Variants in NYX observed in about 807,000 individuals in gnomAD.
NYX encodes the protein nyctalopin, also known as leucine-rich repeat protein.
For synonymous variants in NYX, 258 were observed against 245.7 expected, an observed-to-expected ratio of 1.05 and a Z score of -0.47; for missense variants, 481 against 485.4, an observed-to-expected ratio of 0.99 and a Z score of 0.09.
At chrX:41,452,421 A>T (rs1398123856) in intron 2 of NYX, among the ~76,000 whole-genome samples, 1 of 111,795 alleles carries the variant, frequency 8.9e-6, no homozygotes, top group African/African-American at 3.2e-5. Context: ...GAGTGGCTGT[A>T]CCAGAAGCAG....
chrX:41,453,468 T>C (rs1420083612), intron 2 of NYX, among the ~76,000 whole-genome samples: 1 of 109,963 alleles, frequency 9.1e-6, no homozygotes, highest in Non-Finnish European at 1.9e-5. Flanking sequence ...TCTTTTTTTT[T>C]TTTTTGAGAT....
chrX:41,463,371 T>A (rs4827278), intron 2 of NYX, among the ~76,000 whole-genome samples: 2 of 108,927 alleles, frequency 1.8e-5, no homozygotes, highest in African/African-American at 6.6e-5. Context: ...GTTATTTTTG[T>A]TTTAAATAGT....
At chrX:41,455,628 C>T (rs1450088407) in intron 2 of NYX, among the ~76,000 whole-genome samples, 1 of 110,479 alleles carries the variant, frequency 9.1e-6, no homozygotes, top group Non-Finnish European at 1.9e-5. Context: ...TATTTCTCAT[C>T]TTCCCCTCCC....
intron 2 of NYX, among the ~76,000 whole-genome samples, chrX:41,462,759 T>C (rs997885713): frequency 9.8e-5 from 11 of 112,178 alleles, no homozygotes; most frequent in African/African-American, 3.6e-4. Flanking sequence ...TATCTTTTTT[T>C]GGTGAAATGT....
In NYX at chrX:41,474,469, G is replaced by A; in HGVS notation, c.1001G>A (p.Cys334Tyr). The change falls in exon 3 of 3, where the codon TGC (cysteine) becomes TAC (tyrosine). Residue 334 changes from cysteine (C) to tyrosine (Y), a missense_variant. Physicochemically the swap from Cys to Tyr is radical, Grantham distance 194. Coordinates refer to ENST00000378220, the MANE Select transcript of NYX (RefSeq NM_001378477.3). ...GRLFLFRNPW[C>Y]CDCRLEWLRD... ...CTCTTCCTCTTCCGCAACCCGTGGT[G>A]CTGCGACTGCCGTCTGGAGTGGCTG... is the stretch of plus-strand genomic sequence containing the variant. 1 of 1,209,148 alleles carries A rather than the reference G, an allele frequency of 8.3e-7. No individual in the cohort carries two copies. Among genetic ancestry groups the A allele is most frequent in the Non-Finnish European group, 1.1e-6 (1 of 895,405 alleles).
At chrX:41,462,814 T>C (rs1478946098) in intron 2 of NYX, among the ~76,000 whole-genome samples, 2 of 111,827 alleles carry the variant, frequency 1.8e-5, no homozygotes, top group African/African-American at 6.5e-5. Flanking sequence ...TATTTTCTTA[T>C]TGAGTTTTGG....
intron 2 of NYX, among the ~76,000 whole-genome samples, chrX:41,450,828 ATTTTTTTTTTTTTT>A (rs745395959): frequency 1.5e-5 from 1 of 68,216 alleles, no homozygotes; most frequent in African/African-American, 6.0e-5. Flanking sequence ...ATATATATAT[ATTTTTTTTTTTTTT>A]TTTTTTTTTT....
At chrX:41,452,303 A>C (rs778425171) in intron 2 of NYX, among the ~76,000 whole-genome samples, 1 of 111,530 alleles carries the variant, frequency 9.0e-6, no homozygotes, top group East Asian at 2.8e-4. Flanking sequence ...GCATGTGTAC[A>C]TTTATTATAC....
At chrX:41,473,087 T>C (rs2064368354) in intron 2 of NYX, among the ~76,000 whole-genome samples, 1 of 112,087 alleles carries the variant, frequency 8.9e-6, no homozygotes, top group Non-Finnish European at 1.9e-5. Context: ...CGTGAGCCAC[T>C]GCGACCGGTC....
chrX:41,451,257 T>C (rs2064279097), intron 2 of NYX, among the ~76,000 whole-genome samples: 1 of 111,958 alleles, frequency 8.9e-6, no homozygotes, highest in African/African-American at 3.2e-5. Context: ...AACTGTTTCT[T>C]AGAAAGTGAA....
Position 41,473,985 on chromosome X carries a change from C to T in NYX, c.517C>T (p.Leu173=). ...CCTGTTCCGCCGCGTGCCGGGCGCGCTGCGCGGCCTGGCCAACCTGACGCA... is the reference window on the plus strand; with the variant it reads ...CCTGTTCCGCCGCGTGCCGGGCGCGTTGCGCGGCCTGGCCAACCTGACGCA... ...DNLFRRVPGA[L]RGLANLTHAH... The change falls in exon 3 of 3, where the codon CTG becomes TTG. Residue 173 remains leucine, a synonymous_variant. Coordinates refer to ENST00000378220, the MANE Select transcript of NYX (RefSeq NM_001378477.3). 9.3e-7 allele frequency: 1 copy of T among 1,070,171 alleles called. No individual in the cohort carries two copies. The allele number at this position is 1,070,171 out of a possible 1,213,427, so 88.2% of individuals were successfully genotyped here.
chrX:41,458,033 C>T (rs1347458970), intron 2 of NYX, among the ~76,000 whole-genome samples: 2 of 111,680 alleles, frequency 1.8e-5, no homozygotes, highest in Non-Finnish European at 3.8e-5. Flanking sequence ...CCTGCGGCGC[C>T]ATCCCATGGT....
At chrX:41,470,134 C>A (rs1364967974) in intron 2 of NYX, among the ~76,000 whole-genome samples, 1 of 108,591 alleles carries the variant, frequency 9.2e-6, no homozygotes, top group Admixed American at 1.0e-4. Flanking sequence ...AATTGATTGA[C>A]AGGCTTTTCT....
intron 2 of NYX, among the ~76,000 whole-genome samples, chrX:41,459,793 T>C (rs1220804030): frequency 9.0e-6 from 1 of 110,833 alleles, no homozygotes; most frequent in Non-Finnish European, 1.9e-5. Flanking sequence ...CATTCTACTG[T>C]TGGGTAATTT....
At chrX:41,452,099 G>A (rs867367984) in intron 2 of NYX, among the ~76,000 whole-genome samples, 12 of 110,844 alleles carry the variant, frequency 1.1e-4, no homozygotes, top group Non-Finnish European at 2.3e-4. Flanking sequence ...TCAGCTTCCC[G>A]AGTAGCTGGG....
intron 2 of NYX, among the ~76,000 whole-genome samples, chrX:41,463,297 T>C (rs2064326530): frequency 1.8e-5 from 2 of 112,181 alleles, no homozygotes; most frequent in Admixed American, 1.9e-4. Flanking sequence ...TCACCTCCCT[T>C]CTCATCCTTC....
At chrX:41,460,185 T>TTTTTA (rs2064313198) in intron 2 of NYX, among the ~76,000 whole-genome samples, 1 of 108,790 alleles carries the variant, frequency 9.2e-6, no homozygotes, top group African/African-American at 3.3e-5. Flanking sequence ...TTTTTTTTTT[T>TTTTTA]GAGACAAGGT....
At chrX:41,468,290 A>ATT (rs11408249) in intron 2 of NYX, among the ~76,000 whole-genome samples, 7 of 85,928 alleles carry the variant, frequency 8.1e-5, no homozygotes, top group African/African-American at 1.7e-4. Flanking sequence ...TTGACAAATA[A>ATT]TTTTTTTTTT....
At chrX:41,451,858 A>G (rs905912925) in intron 2 of NYX, among the ~76,000 whole-genome samples, 1 of 111,071 alleles carries the variant, frequency 9.0e-6, no homozygotes, top group African/African-American at 3.3e-5. Flanking sequence ...AAACTAATCT[A>G]TAGTTCAGAA....
Sources: gnomAD v4.1 joint callset for allele counts (sites outside exome capture counted in the v4.1 genomes callset) on GRCh38, gnomAD v4.1.1 for gene constraint, MANE v1.5 for transcripts, NCBI Gene and HGNC (gene_info 2026-07-23, HGNC 2026-07-21) for gene names.